Variants in SPOCK1 observed in about 807,000 individuals in gnomAD.
SPOCK1 encodes testican-1.
Under a neutral mutation model 55.3 loss-of-function variants are expected in SPOCK1, and 23 were observed. The observed-to-expected ratio is 0.42, with a 90% CI of 0.30 to 0.59. The LOEUF (loss-of-function observed/expected upper bound fraction) is 0.59, where lower values mean the gene tolerates loss of function less well. SPOCK1 is among the 20% of genes least tolerant of loss of function. The probability of loss-of-function intolerance (pLI) is 0.22; values close to 1 mark genes in which losing one functional copy is unlikely to be tolerated. For synonymous variants in SPOCK1, 226 were observed against 221.0 expected (o/e 1.02, Z -0.20); for missense variants, 499 against 552.5 (o/e 0.90, Z 0.97).
intron 3 of SPOCK1, among the ~76,000 whole-genome samples, chr5:137,194,241 T>C (rs1238789420): frequency 3.3e-5 from 5 of 152,226 alleles, no homozygotes; most frequent in Non-Finnish European, 5.9e-5. Context: ...GCAACTTTTC[T>C]TCCTTCATGC....
intron 9 of SPOCK1, among the ~76,000 whole-genome samples, chr5:136,983,176 T>C (rs1476071605): frequency 2.6e-5 from 4 of 152,188 alleles, no homozygotes; most frequent in African/African-American, 7.2e-5. Flanking sequence ...ATTTCTGATT[T>C]TGTGAGCGTG....
chr5:137,393,579 T>C (rs1751775632), intron 2 of SPOCK1, among the ~76,000 whole-genome samples: 1 of 152,198 alleles, frequency 6.6e-6, no homozygotes, highest in Non-Finnish European at 1.5e-5. Context: ...TCAAGAAAAG[T>C]TCACAGCACA....
chr5:137,209,847 G>A (rs1755580145), intron 3 of SPOCK1, among the ~76,000 whole-genome samples: 1 of 152,174 alleles, frequency 6.6e-6, no homozygotes, highest in East Asian at 1.9e-4. Context: ...AGGAAGTGCA[G>A]AGAAAAATAA....
intron 2 of SPOCK1, among the ~76,000 whole-genome samples, chr5:137,390,105 C>A (rs13436766): frequency 6.6e-6 from 1 of 152,008 alleles, no homozygotes; most frequent in African/African-American, 2.4e-5. Flanking sequence ...TAAAGGAAAT[C>A]CTGTCTCCTC....
At chr5:137,120,795 T>C (rs1275751027) in intron 4 of SPOCK1, among the ~76,000 whole-genome samples, 2 of 152,188 alleles carry the variant, frequency 1.3e-5, no homozygotes, top group African/African-American at 4.8e-5. Context: ...AAGAAATACA[T>C]GCTGCTGGAC....
chr5:137,245,398 T>C (rs530719954), intron 3 of SPOCK1, among the ~76,000 whole-genome samples: 139 of 152,364 alleles, frequency 9.1e-4, no homozygotes, highest in African/African-American at 2.9e-3. Flanking sequence ...CTAGTACTCA[T>C]ATAACATTTA....
At chr5:137,120,819 C>G (rs1007748273) in intron 4 of SPOCK1, among the ~76,000 whole-genome samples, 1 of 152,146 alleles carries the variant, frequency 6.6e-6, no homozygotes, top group Non-Finnish European at 1.5e-5. Flanking sequence ...CACCTGCCCG[C>G]CAGTCTCGCA....
intron 5 of SPOCK1, among the ~76,000 whole-genome samples, chr5:137,103,754 CA>C (rs1218112351): frequency 6.6e-6 from 1 of 152,184 alleles, no homozygotes; most frequent in Non-Finnish European, 1.5e-5. Flanking sequence ...TTTCTCCTTC[CA>C]AAAGCCCTGA....
At chr5:137,092,099 T>C (rs1753064028) in intron 5 of SPOCK1, among the ~76,000 whole-genome samples, 1 of 152,138 alleles carries the variant, frequency 6.6e-6, no homozygotes, top group Non-Finnish European at 1.5e-5. Flanking sequence ...TACCCAAGTG[T>C]CCATTAAGTA....
At chr5:137,346,035 G>T (rs989449225) in intron 2 of SPOCK1, among the ~76,000 whole-genome samples, 2 of 152,224 alleles carry the variant, frequency 1.3e-5, no homozygotes, top group Non-Finnish European at 2.9e-5. Flanking sequence ...AGGCCATGGG[G>T]CTGAGTAGCT....
intron 6 of SPOCK1, among the ~76,000 whole-genome samples, chr5:137,030,527 A>C (rs1751759599): frequency 6.6e-6 from 1 of 152,230 alleles, no homozygotes; most frequent in Non-Finnish European, 1.5e-5. Context: ...ATACAAATTA[A>C]AATAGGAATC....
At chr5:137,302,510 G>C in intron 2 of SPOCK1, among the ~76,000 whole-genome samples, 1 of 151,884 alleles carries the variant, frequency 6.6e-6, no homozygotes, top group Non-Finnish European at 1.5e-5. Flanking sequence ...CTGGGAGGCA[G>C]AGCTTGCAGT....
At chr5:137,272,170 C>A (rs1580840770) in intron 2 of SPOCK1, among the ~76,000 whole-genome samples, 2 of 152,190 alleles carry the variant, frequency 1.3e-5, no homozygotes, top group Admixed American at 6.5e-5. Context: ...ACCAAAACTG[C>A]AACCTTTAGA....
chr5:137,331,645 C>G (rs1329862089), intron 2 of SPOCK1, among the ~76,000 whole-genome samples: 1 of 152,016 alleles, frequency 6.6e-6, no homozygotes, highest in Non-Finnish European at 1.5e-5. Flanking sequence ...AGAGGGGAAG[C>G]AAGACAGAAA....
At chr5:137,309,942 T>C (rs997014136) in intron 2 of SPOCK1, among the ~76,000 whole-genome samples, 1 of 152,176 alleles carries the variant, frequency 6.6e-6, no homozygotes, top group Non-Finnish European at 1.5e-5. Flanking sequence ...ACTTAATGTC[T>C]CTTTTTCCAC....
At chr5:137,469,728 T>A (rs1421129613) in intron 2 of SPOCK1, among the ~76,000 whole-genome samples, 1 of 152,144 alleles carries the variant, frequency 6.6e-6, no homozygotes, top group Admixed American at 6.5e-5. Context: ...TCTCCTTGAG[T>A]AAATGCTCCT....
chr5:137,420,475 G>T (rs994884854), intron 2 of SPOCK1, among the ~76,000 whole-genome samples: 22 of 152,082 alleles, frequency 1.4e-4, no homozygotes, highest in African/African-American at 1.9e-4. Context: ...CAATTTCAGA[G>T]CCTGTTATTG....
chr5:137,178,691 C>T (rs771418493), intron 3 of SPOCK1, among the ~76,000 whole-genome samples: 2 of 152,218 alleles, frequency 1.3e-5, no homozygotes, highest in African/African-American at 2.4e-5. Context: ...CACACCAGTC[C>T]TGCACCCTCA....
chr5:137,341,015 C>A (rs1439354761), intron 2 of SPOCK1, among the ~76,000 whole-genome samples: 1 of 152,222 alleles, frequency 6.6e-6, no homozygotes, highest in Non-Finnish European at 1.5e-5. Flanking sequence ...TCTGCCCACC[C>A]CTCCACGGGA....
Sources: gnomAD v4.1 joint callset for allele counts (sites outside exome capture counted in the v4.1 genomes callset) on GRCh38, gnomAD v4.1.1 for gene constraint, MANE v1.5 for transcripts, NCBI Gene and HGNC (gene_info 2026-07-23, HGNC 2026-07-21) for gene names.